Variants in FBH1 observed in about 807,000 individuals in gnomAD.
FBH1 encodes F-box DNA helicase 1.
In FBH1, 43 loss-of-function variants were observed where a neutral mutation model predicts 115.5. The observed-to-expected ratio is 0.37, with a 90% CI of 0.29 to 0.48. FBH1 has a LOEUF of 0.48. FBH1 is among the 20% of genes least tolerant of loss of function. The pLI is 0.99. For synonymous variants in FBH1, 524 were observed against 507.8 expected (o/e 1.03, Z -0.43); for missense variants, 1,001 against 1,337.3 (o/e 0.75, Z 3.92).
chr10:5,923,406 T>A lies in FBH1; in HGVS notation c.2323-215T>A, dbSNP rs765924549. On this transcript the variant is annotated intron_variant, in intron 15 of 20. Transcript: ENST00000362091. The surrounding 1 kb of genome is among the most constrained non-coding windows in gnomAD (Gnocchi z 5.7). Reference sequence around the variant, plus strand: ...ACTTAGAATGTGGTCCCTGTGAGTGTTCAGGCCACGTGGCAGCCTTGCGCT... The same window carrying A: ...ACTTAGAATGTGGTCCCTGTGAGTGATCAGGCCACGTGGCAGCCTTGCGCT... Among the ~76,000 whole-genome samples, 1 of 152,196 alleles carries A rather than the reference T, an allele frequency of 6.6e-6. No individual in the cohort carries two copies. Among genetic ancestry groups the A allele is most frequent in the Non-Finnish European group, 1.5e-5 (1 of 68,038 alleles).
rs1213620907 is a variant in FBH1 at position 5,916,188 on chromosome 10, C to T, written c.1566-46C>T. 6 of 1,548,142 alleles carry T rather than the reference C, an allele frequency of 3.9e-6. No homozygotes were observed. In the Admixed American group the frequency reaches 8.4e-5, roughly 22 times the overall value. ...GAATGGAGGGGACGTTCAATAGCAC[C>T]AAGCCAGGAGAGCCACGTGCTGTTC... On this transcript the variant is annotated intron_variant, in intron 9 of 20. Transcript: ENST00000362091.
At chr10:5,919,608 G>T (rs1405035137) in intron 13 of FBH1, among the ~76,000 whole-genome samples, 1 of 152,204 alleles carries the variant, frequency 6.6e-6, no homozygotes, top group Non-Finnish European at 1.5e-5. Context: ...TGATTTTTAA[G>T]TGTGAAGCAT....
chr10:5,905,598 G>A (rs960821251), intron 2 of FBH1, among the ~76,000 whole-genome samples: 2 of 152,168 alleles, frequency 1.3e-5, no homozygotes, highest in African/African-American at 2.4e-5. Flanking sequence ...GAGATTTTCC[G>A]AATCCTGATG....
At chr10:5,934,195 CAA>C (rs1174830926) in intron 19 of FBH1, 1 of 152,080 alleles carries the variant, frequency 6.6e-6, no homozygotes, top group Non-Finnish European at 1.5e-5. Context: ...CTTTATCTCC[CAA>C]GAGTAGGGCA....
chr10:5,915,650 G>A lies in FBH1; in HGVS notation c.1565+79G>A. On this transcript the variant is annotated intron_variant, in intron 9 of 20. Transcript: ENST00000362091. The surrounding 1 kb of genome is among the most constrained non-coding windows in gnomAD (Gnocchi z 5.2). ...CTGTTTTCCCGTGACGATCACATGT[G>A]AGCTTACACCACAGTGACCCCGAGG... is the stretch of plus-strand genomic sequence containing the variant. 1 of 1,362,400 alleles carries A rather than the reference G, an allele frequency of 7.3e-7. No individual in the cohort carries two copies. Among genetic ancestry groups the A allele is most frequent in the South Asian group, 1.3e-5 (1 of 77,010 alleles). The allele number at this position is 1,362,400 out of a possible 1,614,324, so 84.4% of individuals were successfully genotyped here. A position where few individuals can be genotyped will look rare whatever the true frequency, so the allele number is the denominator to read the frequency against.
Position 5,910,895 on chromosome 10 carries a change from G to A in FBH1, c.1021-43G>A. 1 of 1,553,244 alleles carries A rather than the reference G, an allele frequency of 6.4e-7. No homozygotes were observed. Among genetic ancestry groups the A allele is most frequent in the Non-Finnish European group, 8.7e-7 (1 of 1,145,370 alleles). On this transcript the variant is annotated intron_variant, in intron 5 of 20. Coordinates refer to ENST00000362091, the MANE Select transcript of FBH1 (RefSeq NM_178150.3). The surrounding 1 kb of genome is among the most constrained non-coding windows in gnomAD (Gnocchi z 4.8). ...TCCTGCTGTGATTCGTATTAACCATGGCCTGTGGGCTGTCCCTCCCTCCCT... is the reference window on the plus strand; with the variant it reads ...TCCTGCTGTGATTCGTATTAACCATAGCCTGTGGGCTGTCCCTCCCTCCCT...
At chr10:5,920,249 G>C (rs1036162078) in intron 13 of FBH1, among the ~76,000 whole-genome samples, 1 of 152,232 alleles carries the variant, frequency 6.6e-6, no homozygotes, top group African/African-American at 2.4e-5. Context: ...GGTTCTGGGA[G>C]GAAGACCACA....
At position 5,903,043 on chromosome 10, in the gene FBH1, C is replaced by G. The variant is rs1434933204; in HGVS notation, c.25C>G (p.Leu9Val). The change falls in exon 2 of 21, where the codon CTT (leucine) becomes GTT (valine). Residue 9 changes from leucine to valine, a missense_variant. By Grantham distance (32) the Leu-to-Val change is conservative. Transcript: ENST00000362091. ...AGTGAGACGGTTTAAGCGGAAGCAT[C>G]TTACTGCCATTGACTGCCAGCATTT... MRRFKRKH[L>V]TAIDCQHLAR... is the part of the protein sequence containing the mutation. The G allele has an allele frequency of 1.2e-6, 2 of 1,613,058 alleles. No homozygotes were observed. Among genetic ancestry groups the G allele is most frequent in the South Asian group, 1.1e-5 (1 of 90,858 alleles).
At chr10:5,916,139 G>A (rs1280756822) in intron 9 of FBH1, 95 bp from the exon 10 acceptor site, 1 of 1,097,142 alleles carries the variant, frequency 9.1e-7, no homozygotes, top group Non-Finnish European at 1.3e-6. Flanking sequence ...GGCACTTGAA[G>A]CTACCTCCTG....
chr10:5,900,384 G>A lies in FBH1; in HGVS notation c.2-2636G>A, dbSNP rs1843271777. On this transcript the variant is annotated intron_variant, in intron 1 of 20. Transcript: ENST00000362091. The surrounding 1 kb of genome is among the most constrained non-coding windows in gnomAD (Gnocchi z 4.2). The stretch of plus-strand genomic sequence containing the variant: ...CCTATCAGACTTAGAGACCTGAGGT[G>A]CCCTGAAGCCATAGAGCAACCAAGT... Among the ~76,000 whole-genome samples the A allele has an allele frequency of 6.6e-6, 1 of 152,260 alleles. No homozygotes were observed. The highest frequency in any genetic ancestry group is 2.1e-4 in the South Asian group (1 of 4,836).
Position 5,890,245 on chromosome 10 carries a change from C to T in FBH1, c.-101C>T, listed in dbSNP as rs979111566. 8.3e-6 allele frequency: 3 copies of T among 362,752 alleles called. No individual in the cohort carries two copies. Among genetic ancestry groups the T allele is most frequent in the Non-Finnish European group, 1.6e-5 (3 of 193,500 alleles). The allele number at this position is 362,752 out of a possible 1,614,324, so 22.5% of individuals were successfully genotyped here. On this transcript the variant is annotated 5_prime_UTR_variant, in exon 1 of 21. Transcript: ENST00000362091. ...TCGGCGGGCGTCTCGGGCTCCAGGT[C>T]CCGGCCAGAGGAGGAGCTCGCTGCC...
Position 5,903,070 on chromosome 10 carries a change from G to T in FBH1, c.52G>T (p.Ala18Ser), listed in dbSNP as rs1363448208. ...TACTGCCATTGACTGCCAGCATTTG[G>T]CTCGGAGTCACTTGGCTGTGACCCA... ...HLTAIDCQHLARSHLAVTQPF... is the reference protein window; with the variant it reads ...HLTAIDCQHLSRSHLAVTQPF... Residue 18 changes from alanine (A) to serine (S), a missense_variant, in exon 2 of 21, where the codon GCT becomes TCT. Ala to Ser is a moderately conservative substitution (Grantham distance 99, BLOSUM62 1). Around this residue, in one of 4 missense-constraint regions of FBH1, gnomAD observed 420 missense variants for 430.4 expected, o/e 0.98. Transcript: ENST00000362091. The T allele has an allele frequency of 1.9e-6, 3 of 1,613,654 alleles. No individual in the cohort carries two copies. The highest frequency in any genetic ancestry group is 1.7e-5 in the Admixed American group (1 of 59,956).
At chr10:5,892,425 T>C (rs1042497550) in intron 1 of FBH1, among the ~76,000 whole-genome samples, 3 of 152,244 alleles carry the variant, frequency 2.0e-5, no homozygotes, top group Non-Finnish European at 4.4e-5. Context: ...TTTTGCTGCT[T>C]ATCTCATTCC....
Position 5,890,292 on chromosome 10 carries a change from CCGGCGGCGCGGGCCCGGCGG to C in FBH1, c.-46_-27del, listed in dbSNP as rs1264040930. ...TGCCGGGGGACGCTGGGCTGAGCGG[CCGGCGGCGCGGGCCCGGCGG>C]CGGCGGCAGCGGGGTCCGGGTCCGG... On this transcript the variant is annotated 5_prime_UTR_variant, in exon 1 of 21. Coordinates refer to ENST00000362091, the MANE Select transcript of FBH1 (RefSeq NM_178150.3). 3 of 373,608 alleles carry C rather than the reference CCGGCGGCGCGGGCCCGGCGG, an allele frequency of 8.0e-6. No individual in the cohort carries two copies. The highest frequency in any genetic ancestry group is 1.5e-5 in the Non-Finnish European group (3 of 200,612). The allele number at this position is 373,608 out of a possible 1,614,324, so 23.1% of individuals were successfully genotyped here. A position where few individuals can be genotyped will look rare whatever the true frequency, so the allele number is the denominator to read the frequency against.
In FBH1 at chr10:5,933,773, G is replaced by A. The variant is rs192537336; in HGVS notation, c.2830-2683G>A. ...TTCTCCTGTGTCAGCCTCTCAAGTA[G>A]CTGGTAGTACAGGTGTACACCACCA... On this transcript the variant is annotated intron_variant, in intron 19 of 20. Transcript: ENST00000362091. The surrounding 1 kb of genome is among the most constrained non-coding windows in gnomAD (Gnocchi z 4.9). Among the ~76,000 whole-genome samples, 1 of 152,150 alleles carries A rather than the reference G, an allele frequency of 6.6e-6. No homozygotes were observed. Among genetic ancestry groups the A allele is most frequent in the African/African-American group, 2.4e-5 (1 of 41,512 alleles).
At chr10:5,893,961 T>G in intron 1 of FBH1, 1 of 983,862 alleles carries the variant, frequency 1.0e-6, no homozygotes, top group Non-Finnish European at 1.2e-6. Context: ...TTTCAAACAT[T>G]CCTTTCTTTC....
chr10:5,916,181 A>G, intron 9 of FBH1, 53 bp from the exon 10 acceptor site: 1 of 1,513,610 alleles, frequency 6.6e-7, no homozygotes. Context: ...GGGACGTTCA[A>G]TAGCACCAAG....
At chr10:5,922,797 A>C (rs1374611825) in intron 15 of FBH1, among the ~76,000 whole-genome samples, 2 of 152,214 alleles carry the variant, frequency 1.3e-5, no homozygotes, top group African/African-American at 2.4e-5. Context: ...TGCTTTTGGA[A>C]GATCTGAGCT....
intron 2 of FBH1, among the ~76,000 whole-genome samples, chr10:5,903,839 T>C (rs994520633): frequency 1.3e-5 from 2 of 152,192 alleles, no homozygotes; most frequent in Non-Finnish European, 2.9e-5. Context: ...TGTCATTGTT[T>C]TTCCTCCAAA....
Sources: gnomAD v4.1 joint callset for allele counts (sites outside exome capture counted in the v4.1 genomes callset) on GRCh38, gnomAD v4.1.1 for gene constraint, gnomAD v4.1.1 regional missense constraint, Gnocchi (gnomAD v3.1) non-coding constraint, MANE v1.5 for transcripts, NCBI Gene and HGNC (gene_info 2026-07-23, HGNC 2026-07-21) for gene names.